AGMO: variants seen among roughly 807,000 people sequenced by gnomAD.
AGMO encodes glyceryl-ether monooxygenase.
A neutral mutation model predicts 60.2 loss-of-function variants in AGMO; 75 were observed. That is an observed-to-expected ratio of 1.25 (90% CI 1.03 to 1.51). The LOEUF (loss-of-function observed/expected upper bound fraction) is 1.51. Among genes scored for constraint, AGMO ranks in the 40% most tolerant of loss-of-function variants. The probability of loss-of-function intolerance (pLI) is 0.00; values close to 1 mark genes in which losing one functional copy is unlikely to be tolerated. For synonymous variants in AGMO, 261 were observed against 177.1 expected (o/e 1.47, Z -3.76); for missense variants, 763 against 525.5 (o/e 1.45, Z -4.42).
downstream of AGMO, among the ~76,000 whole-genome samples, chr7:15,197,200 CTA>C (rs1781139839): frequency 6.6e-6 from 1 of 151,806 alleles, no homozygotes; most frequent in African/African-American, 2.4e-5. Flanking sequence ...TTTCTGGAGT[CTA>C]TGACTATGAG....
chr7:15,262,245 A>C (rs957182289), intron 12 of AGMO, among the ~76,000 whole-genome samples: 2 of 152,088 alleles, frequency 1.3e-5, no homozygotes, highest in Non-Finnish European at 2.9e-5. Context: ...AGACTCATCC[A>C]AAAAGCTCCT....
At chr7:15,192,606 C>G in the AGMO span, among the ~76,000 whole-genome samples, 3 of 152,114 alleles carry the variant, frequency 2.0e-5, no homozygotes, top group Non-Finnish European at 4.4e-5. Flanking sequence ...GTACCAAGAG[C>G]GCAGGGTGTA....
downstream of AGMO, among the ~76,000 whole-genome samples, chr7:15,198,378 G>C (rs978642744): frequency 6.6e-6 from 1 of 152,124 alleles, no homozygotes; most frequent in Admixed American, 6.6e-5. Flanking sequence ...TTAGTGCTCT[G>C]CAAAAGAAAA....
intron 3 of AGMO, among the ~76,000 whole-genome samples, chr7:15,497,489 A>G (rs1268392093): frequency 3.3e-5 from 5 of 152,062 alleles, no homozygotes; most frequent in Non-Finnish European, 7.4e-5. Flanking sequence ...TCATCAAGGC[A>G]TAGAAAACTC....
At chr7:15,357,734 G>A (rs1388327626) in intron 12 of AGMO, among the ~76,000 whole-genome samples, 1 of 152,214 alleles carries the variant, frequency 6.6e-6, no homozygotes, top group Non-Finnish European at 1.5e-5. Flanking sequence ...TTGACAGCCA[G>A]AGAGAAGTCT....
chr7:15,367,685 A>G (rs1370291437), intron 10 of AGMO, among the ~76,000 whole-genome samples: 1 of 152,112 alleles, frequency 6.6e-6, no homozygotes, highest in Admixed American at 6.6e-5. Flanking sequence ...CTTCAGATTA[A>G]AAGTGGATCA....
chr7:15,340,694 G>A (rs1781816570), intron 12 of AGMO, among the ~76,000 whole-genome samples: 1 of 152,166 alleles, frequency 6.6e-6, no homozygotes. Flanking sequence ...TTGAGATTTG[G>A]GAACCTCCAC....
chr7:15,553,822 T>C (rs79367273), intron 2 of AGMO, among the ~76,000 whole-genome samples: 7,484 of 152,140 alleles, frequency 0.049, 630 homozygotes, highest in African/African-American at 0.17. Context: ...TATTACTCCG[T>C]CAACTGACTT....
rs112393143 is a variant in AGMO, at chr7:15,354,341, C to CGTATGCGTGTATATAG, written c.1263+11172_1263+11173insCTATATACACGCATAC. The stretch of plus-strand genomic sequence containing the variant: ...GTGTATATACGTACGCGTGTATATA[C>CGTATGCGTGTATATAG]ACGCGTGTATATAGACGTGTGTATA... On this transcript the variant is annotated intron_variant, in intron 12 of 12. Coordinates refer to ENST00000342526, the MANE Select transcript of AGMO (RefSeq NM_001004320.2). 8.8e-5 allele frequency among the ~76,000 whole-genome samples: 3 copies of CGTATGCGTGTATATAG among 34,052 alleles called. 1 individual carries two copies. The highest frequency in any genetic ancestry group is 1.8e-4 in the Non-Finnish European group (3 of 17,088). The allele number at this position is 34,052 out of a possible 152,430, so 22.3% of individuals were successfully genotyped here. A position where few individuals can be genotyped will look rare whatever the true frequency, so the allele number is the denominator to read the frequency against.
chr7:15,512,251 T>C (rs897844949), intron 3 of AGMO, among the ~76,000 whole-genome samples: 2 of 152,138 alleles, frequency 1.3e-5, no homozygotes, highest in African/African-American at 4.8e-5. Flanking sequence ...ATTTCTTTTT[T>C]AAAATTTATT....
At chr7:15,356,073 A>G (rs1583450021) in intron 12 of AGMO, among the ~76,000 whole-genome samples, 1 of 152,208 alleles carries the variant, frequency 6.6e-6, no homozygotes, top group Non-Finnish European at 1.5e-5. Flanking sequence ...GAAATCTGAC[A>G]ATTACAACTT....
chr7:15,445,498 C>T (rs78207681), intron 3 of AGMO, among the ~76,000 whole-genome samples: 24,991 of 151,984 alleles, frequency 0.16, 2,202 homozygotes, highest in Middle Eastern at 0.27. Flanking sequence ...ATTTCTTAAC[C>T]ATTTACAGGA....
chr7:15,502,643 C>G (rs1783416320), intron 3 of AGMO, among the ~76,000 whole-genome samples: 1 of 151,900 alleles, frequency 6.6e-6, no homozygotes, highest in South Asian at 2.1e-4. Context: ...AAAAGATGAA[C>G]TACAGAAAGG....
At chr7:15,275,175 G>C (rs1783743588) in intron 12 of AGMO, among the ~76,000 whole-genome samples, 3 of 151,958 alleles carry the variant, frequency 2.0e-5, no homozygotes, top group South Asian at 4.1e-4. Flanking sequence ...TTTTAAGGTA[G>C]GCATTTAACA....
chr7:15,288,858 A>ATAT (rs1472987131), intron 12 of AGMO, among the ~76,000 whole-genome samples: 1 of 148,364 alleles, frequency 6.7e-6, no homozygotes, highest in African/African-American at 2.5e-5. Context: ...AAATAAAAAA[A>ATAT]AAAAAAATAT....
At chr7:15,351,708 T>A (rs940739119) in intron 12 of AGMO, among the ~76,000 whole-genome samples, 2 of 152,200 alleles carry the variant, frequency 1.3e-5, no homozygotes, top group African/African-American at 2.4e-5. Context: ...ACATTTTAAG[T>A]GGACACATAA....
intron 12 of AGMO, among the ~76,000 whole-genome samples, chr7:15,216,367 G>A (rs1781737566): frequency 6.6e-6 from 1 of 152,176 alleles, no homozygotes; most frequent in African/African-American, 2.4e-5. Context: ...TTTCTGCACT[G>A]CTATAATTTT....
chr7:15,209,001 T>A (rs974710531), intron 12 of AGMO, among the ~76,000 whole-genome samples: 1 of 152,194 alleles, frequency 6.6e-6, no homozygotes, highest in Non-Finnish European at 1.5e-5. Flanking sequence ...AGCATTTACA[T>A]TTTAAAACCA....
intron 4 of AGMO, among the ~76,000 whole-genome samples, chr7:15,424,110 G>A (rs1271039064): frequency 1.3e-5 from 2 of 152,020 alleles, no homozygotes; most frequent in African/African-American, 2.4e-5. Flanking sequence ...TTTGCTTCAA[G>A]CTTTATTTCT....
Sources: allele counts gnomAD v4.1 joint callset (sites outside exome capture counted in the v4.1 genomes callset), GRCh38; gene constraint gnomAD v4.1.1; transcripts MANE v1.5; gene names NCBI Gene and HGNC (gene_info 2026-07-23, HGNC 2026-07-21).